The following NHEJ1 variants were observed in gnomAD, a reference collection of about 807,000 sequenced individuals.
The protein encoded by NHEJ1 is non-homologous end joining factor 1.
In NHEJ1, 22 loss-of-function variants were observed where a neutral mutation model predicts 39.4. The ratio of observed to expected loss-of-function variants is 0.56; its 90% CI spans 0.40 to 0.80. NHEJ1 has a LOEUF of 0.80. Among genes scored for constraint, NHEJ1 ranks in the 30% least tolerant of loss-of-function variants. The pLI, the probability that NHEJ1 is intolerant of heterozygous loss-of-function variation, is 0.00. For missense variants in NHEJ1, 329 were observed against 357.1 expected, an observed-to-expected ratio of 0.92 and a Z score of 0.63; for synonymous variants, 154 against 135.6, an observed-to-expected ratio of 1.14 and a Z score of -0.94.
intron 3 of NHEJ1, among the ~76,000 whole-genome samples, chr2:219,152,674 C>G (rs949011098): frequency 4.6e-5 from 7 of 151,694 alleles, no homozygotes; most frequent in African/African-American, 9.7e-5. Context: ...ACTGTGTTGC[C>G]CAGGCTGGTC....
rs760342650 is a variant in NHEJ1, at chr2:219,121,400, GA to G, written c.588+25279del. Among the ~76,000 whole-genome samples the G allele has an allele frequency of 7.2e-5, 11 of 152,116 alleles. No individual in the cohort carries two copies. In the East Asian group the frequency reaches 1.2e-3, roughly 16 times the overall value. ...GTTAATTTTCCATATTTAAAAGAAT[GA>G]ACTACCATTCAATCTACTCTCTGAA... is the stretch of plus-strand genomic sequence containing the variant. On this transcript the variant is annotated intron_variant, in intron 5 of 7. Transcript: ENST00000356853.
intron 5 of NHEJ1, among the ~76,000 whole-genome samples, chr2:219,146,342 C>T (rs1490723549): frequency 1.3e-5 from 2 of 152,168 alleles, no homozygotes; most frequent in East Asian, 3.8e-4. Flanking sequence ...CTCCACAGTC[C>T]AGACCTTACG....
At chr2:219,095,192 C>T (rs1455860113) in intron 5 of NHEJ1, 4 of 432,554 alleles carry the variant, frequency 9.2e-6, no homozygotes, top group Admixed American at 2.7e-5. Flanking sequence ...TTTCCCACTT[C>T]CATTCAGCCT....
At chr2:219,135,122 A>C (rs1949614996) in intron 5 of NHEJ1, among the ~76,000 whole-genome samples, 1 of 152,128 alleles carries the variant, frequency 6.6e-6, no homozygotes. Flanking sequence ...ATTATAAATA[A>C]GCCACTGATT....
At chr2:219,146,805 A>C in intron 4 of NHEJ1, 67 bp from the exon 5 acceptor site, 1 of 1,229,554 alleles carries the variant, frequency 8.1e-7, no homozygotes, top group African/African-American at 1.5e-5. Flanking sequence ...CCTGATGGAA[A>C]GGGAACAGAA....
At chr2:219,151,107 G>A (rs148178597) in intron 3 of NHEJ1, among the ~76,000 whole-genome samples, 1 of 137,478 alleles carries the variant, frequency 7.3e-6, no homozygotes, top group African/African-American at 2.8e-5. Flanking sequence ...CAGACTAGGT[G>A]ACAGAGTGAG....
chr2:219,081,824 C>A (rs1206924672), intron 5 of NHEJ1, among the ~76,000 whole-genome samples: 1 of 152,144 alleles, frequency 6.6e-6, no homozygotes, highest in Non-Finnish European at 1.5e-5. Context: ...TCAAGACAAG[C>A]CTTGCAAAGT....
At chr2:219,131,440 G>A (rs1949577782) in intron 5 of NHEJ1, among the ~76,000 whole-genome samples, 2 of 152,070 alleles carry the variant, frequency 1.3e-5, no homozygotes, top group Non-Finnish European at 1.5e-5. Flanking sequence ...AAATATCTTC[G>A]GCTGCTTTTT....
chr2:219,138,148 G>T (rs1161565434), intron 5 of NHEJ1, among the ~76,000 whole-genome samples: 1 of 152,150 alleles, frequency 6.6e-6, no homozygotes, highest in African/African-American at 2.4e-5. Flanking sequence ...TGGTAAAAGG[G>T]TAGCCCTTCT....
intron 5 of NHEJ1, among the ~76,000 whole-genome samples, chr2:219,108,850 T>C (rs566885737): frequency 6.6e-6 from 1 of 152,304 alleles, no homozygotes; most frequent in South Asian, 2.1e-4. Flanking sequence ...TAAGAGTTAA[T>C]GGCAAAAAGA....
At chr2:219,157,282 G>T (rs1949863023) in intron 3 of NHEJ1, among the ~76,000 whole-genome samples, 190 bp downstream of exon 3, 1 of 152,178 alleles carries the variant, frequency 6.6e-6, no homozygotes, top group African/African-American at 2.4e-5. Flanking sequence ...AAGACACTCA[G>T]TACTCTGCTC....
intron 3 of NHEJ1, among the ~76,000 whole-genome samples, chr2:219,148,052 A>G (rs1192609802): frequency 6.6e-6 from 1 of 152,250 alleles, no homozygotes; most frequent in African/African-American, 2.4e-5. Flanking sequence ...TGAGGTCAGG[A>G]GTTTGACACA....
intron 5 of NHEJ1, among the ~76,000 whole-genome samples, chr2:219,082,684 T>C (rs1343729654): frequency 6.6e-6 from 1 of 152,238 alleles, no homozygotes; most frequent in Non-Finnish European, 1.5e-5. Flanking sequence ...CCTTTGAGCA[T>C]GTCTTTGGTT....
intron 7 of NHEJ1, 87 bp from the exon 8 acceptor site, chr2:219,076,542 T>G: frequency 2.2e-6 from 2 of 922,108 alleles, no homozygotes; most frequent in Non-Finnish European, 3.4e-6. Flanking sequence ...TCATGGCTCC[T>G]GGTTAGGATG....
At chr2:219,104,570 T>C (rs1949296919) in intron 5 of NHEJ1, among the ~76,000 whole-genome samples, 1 of 152,118 alleles carries the variant, frequency 6.6e-6, no homozygotes. Flanking sequence ...AAGAATAAGA[T>C]GCCTACATAA....
chr2:219,147,648 T>A lies in NHEJ1; in HGVS notation c.529+9A>T, dbSNP rs749513419. The A allele has an allele frequency of 3.6e-5, 58 of 1,614,002 alleles. No individual in the cohort carries two copies. Among genetic ancestry groups the A allele is most frequent in the Non-Finnish European group, 4.8e-5 (57 of 1,180,004 alleles). On this transcript the variant is annotated intron_variant, in intron 4 of 7. Transcript: ENST00000356853. ...GCCCCACCCAACTCCTCCAAGAATG[T>A]CCTCTTACCTCGAATCAGCGTAGCC...
intron 3 of NHEJ1, among the ~76,000 whole-genome samples, chr2:219,157,095 C>G (rs962122688): frequency 6.6e-6 from 1 of 152,204 alleles, no homozygotes; most frequent in Non-Finnish European, 1.5e-5. Context: ...CTCCAATCCT[C>G]AACCATCCAG....
At chr2:219,096,849 C>A (rs1949213250) in intron 5 of NHEJ1, among the ~76,000 whole-genome samples, 3 of 152,074 alleles carry the variant, frequency 2.0e-5, no homozygotes, top group Admixed American at 2.0e-4. Flanking sequence ...TAAGAAGGGG[C>A]CTTGTGAGCC....
At chr2:219,089,873 T>C (rs990131292) in intron 5 of NHEJ1, among the ~76,000 whole-genome samples, 4 of 152,210 alleles carry the variant, frequency 2.6e-5, no homozygotes, top group African/African-American at 9.6e-5. Context: ...CCCAAAAGGC[T>C]TGGACAACTT....
Sources: allele counts gnomAD v4.1 joint callset (sites outside exome capture counted in the v4.1 genomes callset), GRCh38; gene constraint gnomAD v4.1.1; transcripts MANE v1.5; gene names NCBI Gene and HGNC (gene_info 2026-07-23, HGNC 2026-07-21).